The following PRKCA variants were observed in gnomAD, a reference collection of about 807,000 sequenced individuals.
PRKCA encodes the protein protein kinase C alpha type.
Under a neutral mutation model 87.0 loss-of-function variants are expected in PRKCA, and 27 were observed. The ratio of observed to expected loss-of-function variants is 0.31; its 90% CI spans 0.23 to 0.43. PRKCA has a LOEUF of 0.43. PRKCA is among the 20% of genes least tolerant of loss of function. PRKCA has a pLI of 1.00. For missense variants in PRKCA, 518 were observed against 852.3 expected (o/e 0.61, Z 4.88); for synonymous variants, 329 against 311.1 (o/e 1.06, Z -0.61).
At chr17:66,718,171 CTT>C (rs144859615) in intron 8 of PRKCA, among the ~76,000 whole-genome samples, 9,978 of 152,234 alleles carry the variant, frequency 0.066, 357 homozygotes, top group South Asian at 0.15. Context: ...GTTTCTCTCT[CTT>C]AGTTCTGAAT....
chr17:66,503,199 A>G (rs1916823061), intron 3 of PRKCA, among the ~76,000 whole-genome samples: 1 of 152,152 alleles, frequency 6.6e-6, no homozygotes, highest in African/African-American at 2.4e-5. Context: ...TTGTTGAGCC[A>G]TTATGTTTTT....
At chr17:66,776,553 C>G (rs1975054239) in intron 14 of PRKCA, among the ~76,000 whole-genome samples, 1 of 152,114 alleles carries the variant, frequency 6.6e-6, no homozygotes, top group African/African-American at 2.4e-5. Flanking sequence ...CGTGATCCAC[C>G]CGCCTCAGCC....
intron 4 of PRKCA, among the ~76,000 whole-genome samples, chr17:66,644,344 C>G (rs181720119): frequency 2.0e-5 from 3 of 152,260 alleles, no homozygotes. Context: ...AAGACTCCAC[C>G]TTGATGATTA....
chr17:66,801,621 G>A (rs1411448158), intron 16 of PRKCA, among the ~76,000 whole-genome samples: 3 of 152,230 alleles, frequency 2.0e-5, no homozygotes, highest in Non-Finnish European at 4.4e-5. Context: ...CACATAGGGT[G>A]ATGTGAATTG....
At chr17:66,787,242 G>T in intron 15 of PRKCA, 1 of 601,470 alleles carries the variant, frequency 1.7e-6, no homozygotes, top group Non-Finnish European at 3.2e-6. Flanking sequence ...ACTCAATATG[G>T]TGATTGAGGA....
chr17:66,426,739 G>A (rs1315725870), intron 2 of PRKCA, among the ~76,000 whole-genome samples: 1 of 152,146 alleles, frequency 6.6e-6, no homozygotes, highest in Non-Finnish European at 1.5e-5. Flanking sequence ...TTAGTGAGCA[G>A]GTAACTTCTG....
chr17:66,346,903 C>T (rs1225753369), intron 2 of PRKCA, among the ~76,000 whole-genome samples: 1 of 151,968 alleles, frequency 6.6e-6, no homozygotes, highest in Admixed American at 6.6e-5. Context: ...TGGTGGCTCA[C>T]ACCTGTAATC....
chr17:66,408,233 T>C (rs1567813466), intron 2 of PRKCA, among the ~76,000 whole-genome samples: 2 of 152,174 alleles, frequency 1.3e-5, no homozygotes, highest in African/African-American at 4.8e-5. Flanking sequence ...AAAGAAAGAA[T>C]ATTTGGAAGG....
chr17:66,311,679 G>A (rs375210388), intron 2 of PRKCA, among the ~76,000 whole-genome samples: 4 of 152,090 alleles, frequency 2.6e-5, no homozygotes, highest in South Asian at 2.1e-4. Flanking sequence ...TTTTTCCTCC[G>A]TAAAACTGCA....
intron 3 of PRKCA, among the ~76,000 whole-genome samples, chr17:66,574,578 T>C (rs954839937): frequency 5.3e-5 from 8 of 152,196 alleles, no homozygotes; most frequent in Non-Finnish European, 1.0e-4. Flanking sequence ...CAACTCTGTA[T>C]AAGCAGGTTG....
chr17:66,759,764 C>G (rs1277586596), intron 13 of PRKCA, among the ~76,000 whole-genome samples: 3 of 152,098 alleles, frequency 2.0e-5, no homozygotes, highest in Non-Finnish European at 4.4e-5. Flanking sequence ...TAATACTAAT[C>G]AAAGAAATTA....
intron 3 of PRKCA, among the ~76,000 whole-genome samples, chr17:66,589,788 C>G (rs927702334): frequency 1.3e-5 from 2 of 152,172 alleles, no homozygotes; most frequent in African/African-American, 4.8e-5. Context: ...GGGCAGCAGT[C>G]TTCAACCTTT....
chr17:66,673,510 C>A (rs1972248139), intron 5 of PRKCA, among the ~76,000 whole-genome samples: 1 of 152,148 alleles, frequency 6.6e-6, no homozygotes, highest in Non-Finnish European at 1.5e-5. Flanking sequence ...TCTCATTATT[C>A]TTGCCTTTGT....
At chr17:66,589,982 C>T (rs1010888149) in intron 3 of PRKCA, among the ~76,000 whole-genome samples, 3 of 152,142 alleles carry the variant, frequency 2.0e-5, no homozygotes, top group Non-Finnish European at 2.9e-5. Flanking sequence ...CTCATGCCGC[C>T]GGTGATCTGA....
At position 66,807,477 on chromosome 17, in the gene PRKCA, C is replaced by T. The variant is rs1976057364; in HGVS notation, c.*3440C>T. ...TCCAAGGTTAATGAGAGGCCCACAT[C>T]CAGGCAAGAACTAATTCAAAAGGCA... On this transcript the variant is annotated 3_prime_UTR_variant, in exon 17 of 17. Transcript: ENST00000413366. This position sits in a 1 kb window ranked among gnomAD's most constrained non-coding sequence, Gnocchi z 4.3. The T allele has an allele frequency of 6.6e-6, 1 of 152,210 alleles. No individual in the cohort carries two copies. The highest frequency in any genetic ancestry group is 1.5e-5 in the Non-Finnish European group (1 of 68,052). 9.4% of individuals were successfully genotyped at this position (152,210 alleles called of 1,614,324 possible).
chr17:66,724,295 CA>C (rs11445685), intron 8 of PRKCA, among the ~76,000 whole-genome samples: 194 of 137,054 alleles, frequency 1.4e-3, no homozygotes, highest in Admixed American at 1.6e-3. Flanking sequence ...GACTCCATCT[CA>C]AAAAAAAAAA....
At chr17:66,343,623 T>C (rs1463013033) in intron 2 of PRKCA, among the ~76,000 whole-genome samples, 1 of 152,136 alleles carries the variant, frequency 6.6e-6, no homozygotes, top group Non-Finnish European at 1.5e-5. Context: ...CTGAAAGTGA[T>C]GGCGACTTGG....
chr17:66,768,260 T>G (rs367547116), intron 13 of PRKCA, among the ~76,000 whole-genome samples: 1,274 of 122,268 alleles, frequency 0.01, 21 homozygotes, highest in East Asian at 0.052. Flanking sequence ...TTTTTTTTTT[T>G]TGGGGGGGAG....
At chr17:66,438,282 G>T (rs147321077) in intron 2 of PRKCA, among the ~76,000 whole-genome samples, 225 of 152,252 alleles carry the variant, frequency 1.5e-3, no homozygotes, top group African/African-American at 5.2e-3. Context: ...TATCAGCAAA[G>T]CAGCTCAGTA....
Sources: gnomAD v4.1 joint callset for allele counts (sites outside exome capture counted in the v4.1 genomes callset) on GRCh38, gnomAD v4.1.1 for gene constraint, Gnocchi (gnomAD v3.1) non-coding constraint, MANE v1.5 for transcripts, NCBI Gene and HGNC (gene_info 2026-07-23, HGNC 2026-07-21) for gene names.